LRRC4C: variants seen among roughly 807,000 people sequenced by gnomAD.
LRRC4C encodes the protein leucine-rich repeat-containing protein 4C.
Under a neutral mutation model 33.6 loss-of-function variants are expected in LRRC4C, and 5 were observed. The ratio of observed to expected loss-of-function variants is 0.15; its 90% CI spans 0.08 to 0.31. LRRC4C has a LOEUF of 0.31. LRRC4C is among the 10% of genes least tolerant of loss of function. The probability of loss-of-function intolerance (pLI) is 1.00; values close to 1 mark genes in which losing one functional copy is unlikely to be tolerated. For missense variants in LRRC4C, 560 were observed against 796.7 expected, an observed-to-expected ratio of 0.70 and a Z score of 3.58; for synonymous variants, 329 against 302.0, an observed-to-expected ratio of 1.09 and a Z score of -0.93.
At chr11:40,948,959 G>C (rs1463574432) in intron 1 of LRRC4C, among the ~76,000 whole-genome samples, 1 of 152,160 alleles carries the variant, frequency 6.6e-6, no homozygotes, top group East Asian at 1.9e-4. Flanking sequence ...TTCCACAATG[G>C]TTGAACTAGT....
intron 1 of LRRC4C, among the ~76,000 whole-genome samples, chr11:41,428,947 G>A (rs1230458230): frequency 1.3e-5 from 2 of 152,238 alleles, no homozygotes; most frequent in Non-Finnish European, 2.9e-5. Context: ...TCTACACAGA[G>A]TTCAATGAGT....
At chr11:40,166,708 T>C (rs569414785) in intron 5 of LRRC4C, among the ~76,000 whole-genome samples, 2 of 152,308 alleles carry the variant, frequency 1.3e-5, no homozygotes, top group East Asian at 3.9e-4. Context: ...AAAAAAATAG[T>C]TGTCAAACTC....
chr11:40,276,780 G>T (rs955629171), intron 4 of LRRC4C, among the ~76,000 whole-genome samples: 1 of 151,364 alleles, frequency 6.6e-6, no homozygotes, highest in Non-Finnish European at 1.5e-5. Context: ...ATGCTGTTTT[G>T]TGCCTGTCTT....
chr11:40,257,450 TTTCTAGTTCCCAAGTAAACCGGAGTTTCA>T (rs1867298717), intron 4 of LRRC4C, among the ~76,000 whole-genome samples: 1 of 152,148 alleles, frequency 6.6e-6, no homozygotes, highest in African/African-American at 2.4e-5. Context: ...ATTCCCATTA[TTTCTAGTTCCCAAGTAAACCGGAGTTTCA>T]TTCAGGTGTC....
At chr11:41,090,382 C>A (rs1040528961) in intron 1 of LRRC4C, among the ~76,000 whole-genome samples, 2 of 151,938 alleles carry the variant, frequency 1.3e-5, no homozygotes, top group African/African-American at 4.8e-5. Context: ...GGTTTTATCT[C>A]TGTTTTCTCA....
intron 3 of LRRC4C, among the ~76,000 whole-genome samples, chr11:40,484,581 A>G (rs1953757811): frequency 6.6e-6 from 1 of 152,080 alleles, no homozygotes; most frequent in African/African-American, 2.4e-5. Flanking sequence ...TTGAAATAGT[A>G]AAAACTGAGA....
intron 1 of LRRC4C, among the ~76,000 whole-genome samples, chr11:40,936,066 A>ATATATATATATATATAT (rs57615456): frequency 1.2e-5 from 1 of 80,790 alleles, no homozygotes; most frequent in Non-Finnish European, 2.9e-5. Flanking sequence ...ATATATATAT[A>ATATATATATATATATAT]ACATAGTTTG....
chr11:40,320,282 G>A (rs1028962680), intron 3 of LRRC4C, among the ~76,000 whole-genome samples: 6 of 152,104 alleles, frequency 3.9e-5, no homozygotes, highest in Non-Finnish European at 2.9e-5. Context: ...GAGGTGGGTG[G>A]ATCACGAAGT....
intron 1 of LRRC4C, among the ~76,000 whole-genome samples, chr11:41,097,795 C>T (rs1254613410): frequency 6.6e-6 from 1 of 152,064 alleles, no homozygotes; most frequent in Admixed American, 6.6e-5. Flanking sequence ...GAACAAAGGA[C>T]TTATTTCCTA....
intron 1 of LRRC4C, among the ~76,000 whole-genome samples, chr11:41,135,889 C>T (rs1196276160): frequency 6.6e-6 from 1 of 152,182 alleles, no homozygotes; most frequent in Admixed American, 6.5e-5. Context: ...ACATATCAAG[C>T]TGACATCCAG....
At chr11:40,975,386 G>C (rs1852011570) in intron 1 of LRRC4C, among the ~76,000 whole-genome samples, 1 of 151,960 alleles carries the variant, frequency 6.6e-6, no homozygotes, top group South Asian at 2.1e-4. Flanking sequence ...TGTCTCTCTG[G>C]GGAACCCTAA....
At position 40,596,281 on chromosome 11, in the gene LRRC4C, A is replaced by T. The variant is rs187623174; in HGVS notation, c.-270+51861T>A. Among the ~76,000 whole-genome samples, 192 of 152,302 alleles carry T rather than the reference A, an allele frequency of 1.3e-3. 1 individual carries two copies. Among genetic ancestry groups the T allele is most frequent in the African/African-American group, 4.1e-3 (171 of 41,574 alleles). ...AAAATTAGCTTGTTTATTAAAAAACATATAAACCCAATAGTCTTTTTTCTC... is the reference window on the plus strand; with the variant it reads ...AAAATTAGCTTGTTTATTAAAAAACTTATAAACCCAATAGTCTTTTTTCTC... On this transcript the variant is annotated intron_variant, in intron 3 of 6. Transcript: ENST00000528697.
At chr11:40,772,134 T>C (rs925287396) in intron 2 of LRRC4C, among the ~76,000 whole-genome samples, 6 of 152,186 alleles carry the variant, frequency 3.9e-5, no homozygotes, top group African/African-American at 9.6e-5. Flanking sequence ...AGAGGCTTAA[T>C]TAACTCACCT....
intron 1 of LRRC4C, among the ~76,000 whole-genome samples, chr11:41,101,815 G>A (rs187798001): frequency 1.3e-5 from 2 of 152,002 alleles, no homozygotes; most frequent in South Asian, 2.1e-4. Flanking sequence ...TAAAAAAAGA[G>A]AGCATTACCT....
intron 2 of LRRC4C, among the ~76,000 whole-genome samples, chr11:40,920,815 CCATGT>C (rs1957140618): frequency 6.6e-6 from 1 of 152,082 alleles, no homozygotes; most frequent in Non-Finnish European, 1.5e-5. Flanking sequence ...ACATTCTAGA[CCATGT>C]GACTATATTA....
At chr11:41,013,643 T>C (rs1017315162) in intron 1 of LRRC4C, among the ~76,000 whole-genome samples, 11 of 152,328 alleles carry the variant, frequency 7.2e-5, no homozygotes, top group African/African-American at 2.6e-4. Context: ...CTTATAGTTT[T>C]AGAGGCTGAG....
chr11:40,501,692 A>G (rs1565451903), intron 3 of LRRC4C, among the ~76,000 whole-genome samples: 1 of 152,108 alleles, frequency 6.6e-6, no homozygotes, highest in Admixed American at 6.5e-5. Context: ...GGCCCAGCCC[A>G]CAAGACCATT....
intron 3 of LRRC4C, among the ~76,000 whole-genome samples, chr11:40,395,892 C>T (rs1949518636): frequency 6.6e-6 from 1 of 152,126 alleles, no homozygotes; most frequent in Non-Finnish European, 1.5e-5. Context: ...GAAGCTGAGA[C>T]ATGAGAATTG....
chr11:40,489,862 C>T (rs1954058956), intron 3 of LRRC4C, among the ~76,000 whole-genome samples: 1 of 152,056 alleles, frequency 6.6e-6, no homozygotes, highest in African/African-American at 2.4e-5. Flanking sequence ...AGTGAGTAAA[C>T]CAATCCTTTA....
Sources: allele counts gnomAD v4.1 joint callset (sites outside exome capture counted in the v4.1 genomes callset), GRCh38; gene constraint gnomAD v4.1.1; transcripts MANE v1.5; gene names NCBI Gene and HGNC (gene_info 2026-07-23, HGNC 2026-07-21).